PTBP2: variants seen among roughly 807,000 people sequenced by gnomAD.
The protein encoded by PTBP2 is polypyrimidine tract-binding protein 2.
In PTBP2, 13 loss-of-function variants were observed where a neutral mutation model predicts 61.4. The ratio of observed to expected loss-of-function variants is 0.21; its 90% confidence interval spans 0.14 to 0.34. The LOEUF is 0.34. PTBP2 is among the 10% of genes least tolerant of loss of function. The pLI is 1.00. For missense variants in PTBP2, 405 were observed against 642.6 expected, an observed-to-expected ratio of 0.63 and a Z score of 4.00; for synonymous variants, 215 against 218.5, an observed-to-expected ratio of 0.98 and a Z score of 0.14.
At chr1:96,789,084 G>A (rs1659508739) in intron 8 of PTBP2, among the ~76,000 whole-genome samples, 1 of 151,930 alleles carries the variant, frequency 6.6e-6, no homozygotes, top group African/African-American at 2.4e-5. Flanking sequence ...AATTTATTAA[G>A]GGGTAGATCA....
intron 2 of PTBP2, among the ~76,000 whole-genome samples, chr1:96,729,306 G>A (rs1466673589): frequency 3.9e-5 from 6 of 152,150 alleles, no homozygotes; most frequent in African/African-American, 1.4e-4. Context: ...ACAGGCGTGA[G>A]CCACCACCCC....
At chr1:96,751,714 T>G (rs1208650979) in intron 3 of PTBP2, among the ~76,000 whole-genome samples, 3 of 152,008 alleles carry the variant, frequency 2.0e-5, no homozygotes, top group Non-Finnish European at 4.4e-5. Flanking sequence ...CTCTTAAATT[T>G]GATTGCTTTT....
intron 2 of PTBP2, among the ~76,000 whole-genome samples, chr1:96,733,760 A>G (rs1325200460): frequency 6.6e-6 from 1 of 152,204 alleles, no homozygotes; most frequent in Non-Finnish European, 1.5e-5. Flanking sequence ...CCACTTATGC[A>G]TAGATCCACT....
chr1:96,763,611 AGG>A (rs780540784), intron 3 of PTBP2, among the ~76,000 whole-genome samples: 499 of 4,256 alleles, frequency 0.12, 8 homozygotes, highest in Middle Eastern at 0.44. Flanking sequence ...AGGGAGGGGG[AGG>A]GGGAGGGGGA....
chr1:96,778,146 A>T (rs1040667837), intron 7 of PTBP2, among the ~76,000 whole-genome samples, 200 bp downstream of exon 7: 6 of 149,730 alleles, frequency 4.0e-5, no homozygotes, highest in Admixed American at 1.3e-4. Flanking sequence ...GTTAACCATG[A>T]TGTGGGTTTC....
chr1:96,735,519 T>C (rs1652044406), intron 2 of PTBP2, among the ~76,000 whole-genome samples: 1 of 152,170 alleles, frequency 6.6e-6, no homozygotes, highest in African/African-American at 2.4e-5. Flanking sequence ...AGACTTATGC[T>C]GAAAGGATGA....
chr1:96,752,150 A>AT (rs201843330), intron 3 of PTBP2, among the ~76,000 whole-genome samples: 2 of 151,392 alleles, frequency 1.3e-5, no homozygotes, highest in Admixed American at 6.6e-5. Flanking sequence ...GATGGGCCAA[A>AT]TTTTTTTTTG....
At chr1:96,728,185 CTG>C (rs1650865807) in intron 2 of PTBP2, among the ~76,000 whole-genome samples, 1 of 152,122 alleles carries the variant, frequency 6.6e-6, no homozygotes, top group Admixed American at 6.5e-5. Context: ...CGGGGTCTCT[CTG>C]TTTTGCCCAG....
At chr1:96,804,300 G>A (rs1033515692) in intron 8 of PTBP2, among the ~76,000 whole-genome samples, 1 of 152,146 alleles carries the variant, frequency 6.6e-6, no homozygotes, top group South Asian at 2.1e-4. Context: ...TGTTCAGAGT[G>A]ATTTGTCTCT....
chr1:96,799,984 C>T (rs1024862232), intron 8 of PTBP2, among the ~76,000 whole-genome samples: 5 of 152,136 alleles, frequency 3.3e-5, no homozygotes, highest in African/African-American at 9.7e-5. Flanking sequence ...TGATTTAGAA[C>T]GGTGTAAAGA....
intron 4 of PTBP2, among the ~76,000 whole-genome samples, chr1:96,770,457 A>G (rs1405752851): frequency 6.6e-6 from 1 of 152,040 alleles, no homozygotes; most frequent in East Asian, 1.9e-4. Context: ...TTGTTGCAAG[A>G]ATAGATTTGT....
At chr1:96,729,868 C>T (rs1406679368) in intron 2 of PTBP2, among the ~76,000 whole-genome samples, 1 of 151,712 alleles carries the variant, frequency 6.6e-6, no homozygotes, top group Admixed American at 6.6e-5. Flanking sequence ...TCCCAAGTAG[C>T]TGGGATCACA....
At chr1:96,753,640 G>T (rs1654833123) in intron 3 of PTBP2, among the ~76,000 whole-genome samples, 2 of 151,974 alleles carry the variant, frequency 1.3e-5, no homozygotes, top group South Asian at 4.1e-4. Flanking sequence ...ATGACCTAGA[G>T]TTAGAATTAG....
At chr1:96,815,494 A>C (rs1252917613), downstream of PTBP2, 1 of 152,176 alleles carries the variant, frequency 6.6e-6, no homozygotes, top group Non-Finnish European at 1.5e-5. Flanking sequence ...CTTGTTAAGC[A>C]GTTACAATTA....
intron 2 of PTBP2, 41 bp downstream of exon 2, chr1:96,723,635 A>G (rs1557676943): frequency 2.7e-6 from 4 of 1,507,856 alleles, no homozygotes; most frequent in South Asian, 1.3e-5. Flanking sequence ...TGTTGGATCT[A>G]TTATCATAAT....
chr1:96,768,290 C>T (rs1656976152), intron 3 of PTBP2, among the ~76,000 whole-genome samples: 1 of 152,014 alleles, frequency 6.6e-6, no homozygotes, highest in African/African-American at 2.4e-5. Flanking sequence ...AGACACATCC[C>T]TGAATACCCA....
At chr1:96,763,278 C>T (rs1300109321) in intron 3 of PTBP2, among the ~76,000 whole-genome samples, 1 of 152,084 alleles carries the variant, frequency 6.6e-6, no homozygotes, top group African/African-American at 2.4e-5. Context: ...TGCACTCCAG[C>T]CTGGGCACCA....
At chr1:96,744,465 A>T (rs970039199) in intron 2 of PTBP2, among the ~76,000 whole-genome samples, 10 of 152,272 alleles carry the variant, frequency 6.6e-5, no homozygotes, top group Admixed American at 2.6e-4. Flanking sequence ...ATGCTATTTT[A>T]AAAAATGTCT....
At chr1:96,820,702 AT>A (rs1378131810) in exon 14 of PTBP2, 1 of 151,980 alleles carries the variant, frequency 6.6e-6, no homozygotes, top group East Asian at 1.9e-4. Flanking sequence ...AGATAAAGTC[AT>A]TTATAGTAGT....
Sources: gnomAD v4.1 joint callset for allele counts (sites outside exome capture counted in the v4.1 genomes callset) on GRCh38, gnomAD v4.1.1 for gene constraint, MANE v1.5 for transcripts, NCBI Gene and HGNC (gene_info 2026-07-23, HGNC 2026-07-21) for gene names.